The following AFDN variants were observed in gnomAD, a reference collection of about 807,000 sequenced individuals.
AFDN encodes the protein afadin, adherens junction formation factor.
In AFDN, 68 loss-of-function variants were observed where a neutral mutation model predicts 216.6. That is an observed-to-expected ratio of 0.31 (90% CI 0.26 to 0.38). The LOEUF (loss-of-function observed/expected upper bound fraction) is 0.38, where lower values mean the gene tolerates loss of function less well. Ranked by LOEUF, AFDN falls within the 10% of genes least tolerant of loss-of-function variation. The pLI, the probability that AFDN is intolerant of heterozygous loss-of-function variation, is 1.00. For missense variants in AFDN, 2,136 were observed against 2,342.0 expected, an observed-to-expected ratio of 0.91 and a Z score of 1.82; for synonymous variants, 868 against 853.7, an observed-to-expected ratio of 1.02 and a Z score of -0.29.
chr6:167,907,375 G>T, intron 13 of AFDN, 86 bp downstream of exon 13: 1 of 1,025,876 alleles, frequency 9.7e-7, no homozygotes, highest in Non-Finnish European at 1.5e-6. Flanking sequence ...AATTTATAAA[G>T]GTTCAGCTGA....
chr6:167,834,457 G>GGTTT lies in AFDN; in HGVS notation c.105+7220_105+7221insGTTT, dbSNP rs1554275698. 2.4e-4 allele frequency among the ~76,000 whole-genome samples: 18 copies of GGTTT among 75,250 alleles called. 1 individual carries two copies. The highest frequency in any genetic ancestry group is 3.1e-4 in the Non-Finnish European group (13 of 42,370). 49.4% of individuals were successfully genotyped at this position (75,250 alleles called of 152,430 possible). A position where few individuals can be genotyped will look rare whatever the true frequency, so the allele number is the denominator to read the frequency against. On this transcript the variant is annotated intron_variant, in intron 1 of 33. Coordinates refer to ENST00000683244, the MANE Select transcript of AFDN (RefSeq NM_001386888.1). ...GATTTTTGTTGTTGTTGTTGTTTCGGTTTTTTTTTTTTTTTTTTTTTTCGA... is the reference window on the plus strand; with the variant it reads ...GATTTTTGTTGTTGTTGTTGTTTCGGGTTTTTTTTTTTTTTTTTTTTTTTTTCGA...
At position 167,918,943 on chromosome 6, in the gene AFDN, T is replaced by G. The variant is rs781154062; in HGVS notation, c.2908+10T>G. ...CCTCTGTGCCAGAGAGGTAAATTAG[T>G]CTAAATGCCTGAGTCTGAGCTACGC... On this transcript the variant is annotated intron_variant, in intron 21 of 33. Transcript: ENST00000683244. 1 of 1,609,286 alleles carries G rather than the reference T, an allele frequency of 6.2e-7. No homozygotes were observed. Among genetic ancestry groups the G allele is most frequent in the Non-Finnish European group, 8.5e-7 (1 of 1,176,488 alleles).
intron 2 of AFDN, among the ~76,000 whole-genome samples, chr6:167,868,177 A>G (rs986926114): frequency 9.2e-5 from 14 of 152,154 alleles, no homozygotes; most frequent in Non-Finnish European, 1.9e-4. Flanking sequence ...ATTGTAATAT[A>G]TTATTACTAA....
intron 3 of AFDN, among the ~76,000 whole-genome samples, chr6:167,870,965 A>C (rs915900332): frequency 6.6e-6 from 1 of 152,164 alleles, no homozygotes; most frequent in Non-Finnish European, 1.5e-5. Context: ...ACAACTTCCT[A>C]GGTGGTAGGA....
At chr6:167,902,492 T>C in intron 12 of AFDN, 106 bp downstream of exon 12, 1 of 793,658 alleles carries the variant, frequency 1.3e-6, no homozygotes, top group Non-Finnish European at 2.1e-6. Flanking sequence ...GGGGATGTGT[T>C]CCAAGACCAC....
rs182886003 is a variant in AFDN, at chr6:167,894,365, C to T, written c.1222+459C>T. ...GCTCCAGATTTATTGTCATTATCTA[C>T]GGGGAAGAAAGAGACTCAGGCACTT... On this transcript the variant is annotated intron_variant, in intron 9 of 33. Coordinates refer to ENST00000683244, the MANE Select transcript of AFDN (RefSeq NM_001386888.1). Among the ~76,000 whole-genome samples the T allele has an allele frequency of 1.2e-4, 19 of 152,214 alleles. No individual in the cohort carries two copies. In the East Asian group the frequency reaches 2.5e-3, roughly 20 times the overall value.
At chr6:167,944,195 C>A in intron 26 of AFDN, 136 bp downstream of exon 26, 1 of 656,140 alleles carries the variant, frequency 1.5e-6, no homozygotes, top group Non-Finnish European at 2.6e-6. Flanking sequence ...GAGAGCGCTT[C>A]AGCATAGTGC....
At chr6:167,969,683 T>C in intron 33 of AFDN, 99 bp from the exon 34 acceptor site, 1 of 1,124,014 alleles carries the variant, frequency 8.9e-7, no homozygotes, top group African/African-American at 1.6e-5. Context: ...TAACAAAGAA[T>C]GAGTGAAAAT....
intron 23 of AFDN, among the ~76,000 whole-genome samples, chr6:167,929,675 C>T (rs1229044584): frequency 5.9e-5 from 9 of 152,174 alleles, no homozygotes; most frequent in Non-Finnish European, 8.8e-5. Context: ...TTGCTGCCTC[C>T]GTGAGGAGTC....
At chr6:167,881,253 A>T (rs528393179) in intron 6 of AFDN, among the ~76,000 whole-genome samples, 1 of 152,206 alleles carries the variant, frequency 6.6e-6, no homozygotes, top group African/African-American at 2.4e-5. Flanking sequence ...TTTGCTGAGA[A>T]GCTAAGAAGT....
chr6:167,911,012 A>G lies in AFDN; in HGVS notation c.1770-89A>G. 2.8e-6 allele frequency: 3 copies of G among 1,054,160 alleles called. 1 individual carries two copies. The highest frequency in any genetic ancestry group is 2.8e-5 in the South Asian group (2 of 72,006). The allele number at this position is 1,054,160 out of a possible 1,614,324, so 65.3% of individuals were successfully genotyped here. On this transcript the variant is annotated intron_variant, in intron 13 of 33. Coordinates refer to ENST00000683244, the MANE Select transcript of AFDN (RefSeq NM_001386888.1). ...TTGGAAAGATTAGTATATAGATTTA[A>G]AAAGTAGTTGCAGAAATCTACACAG...
At chr6:167,826,765 C>T (rs1397341611), upstream of AFDN, 1 of 351,218 alleles carries the variant, frequency 2.8e-6, no homozygotes, top group Non-Finnish European at 5.6e-6. Context: ...ACCTCCCTCC[C>T]TGGCGGCCGC....
intron 1 of AFDN, among the ~76,000 whole-genome samples, chr6:167,846,232 A>G (rs938095150): frequency 1.3e-5 from 2 of 151,922 alleles, no homozygotes; most frequent in African/African-American, 2.4e-5. Flanking sequence ...ATGAGGTTCA[A>G]ATTTATTAAA....
intron 4 of AFDN, among the ~76,000 whole-genome samples, chr6:167,874,956 G>A (rs1785185868): frequency 6.6e-6 from 1 of 152,098 alleles, no homozygotes; most frequent in Admixed American, 6.5e-5. Flanking sequence ...GCAAAATTAA[G>A]TATTCAGTCC....
At position 167,966,232 on chromosome 6, in the gene AFDN, C is replaced by CA. The variant is rs547911431; in HGVS notation, c.5257+194dup. The CA allele has an allele frequency of 2.2e-3, 3,403 of 1,530,656 alleles. 7 individuals are homozygous for CA. Among genetic ancestry groups the CA allele is most frequent in the South Asian group, 3.0e-3 (247 of 83,044 alleles). 94.8% of individuals were successfully genotyped at this position (1,530,656 alleles called of 1,614,324 possible). A position where few individuals can be genotyped will look rare whatever the true frequency, so the allele number is the denominator to read the frequency against. ...AAAAAAGGCCAGCCCCTGCCCCCTC[C>CA]AAAAAAATCCAGCTCCTACCATCCC... On this transcript the variant is annotated intron_variant, in intron 32 of 33. Coordinates refer to ENST00000683244, the MANE Select transcript of AFDN (RefSeq NM_001386888.1).
intron 2 of AFDN, among the ~76,000 whole-genome samples, chr6:167,866,442 C>T (rs1335449483): frequency 1.3e-5 from 2 of 152,050 alleles, no homozygotes; most frequent in East Asian, 1.9e-4. Flanking sequence ...ATAATGGCAC[C>T]GCTAGGCCAG....
chr6:167,907,395 A>G, intron 13 of AFDN, 106 bp downstream of exon 13: 1 of 813,518 alleles, frequency 1.2e-6, no homozygotes, highest in Non-Finnish European at 2.0e-6. Flanking sequence ...ACATGTTTAC[A>G]ATGTTAGCAA....
chr6:167,868,440 T>G (rs1172868280), intron 2 of AFDN, among the ~76,000 whole-genome samples: 1 of 152,198 alleles, frequency 6.6e-6, no homozygotes, highest in Non-Finnish European at 1.5e-5. Flanking sequence ...AAAAACAAAG[T>G]GTATCTCATA....
At chr6:167,884,976 G>T (rs1013049941) in intron 6 of AFDN, among the ~76,000 whole-genome samples, 1 of 152,204 alleles carries the variant, frequency 6.6e-6, no homozygotes, top group African/African-American at 2.4e-5. Context: ...ATCTTCTGGA[G>T]AACTTGCTGC....
Sources: gnomAD v4.1 joint callset for allele counts (sites outside exome capture counted in the v4.1 genomes callset) on GRCh38, gnomAD v4.1.1 for gene constraint, MANE v1.5 for transcripts, NCBI Gene and HGNC (gene_info 2026-07-23, HGNC 2026-07-21) for gene names.